Variants in MILR1 observed in about 807,000 individuals in gnomAD.
The protein encoded by MILR1 is mast cell immunoglobulin like receptor 1, also known as allergin-1.
A neutral mutation model predicts 18.5 loss-of-function variants in MILR1; 31 were observed. The observed-to-expected ratio is 1.68, with a 90% CI of 1.26 to 2.26. MILR1 has a LOEUF of 2.26. Ranked by LOEUF, MILR1 falls within the 30% of genes most tolerant of loss-of-function variation. The probability of loss-of-function intolerance (pLI) is 0.00; values close to 1 mark genes in which losing one functional copy is unlikely to be tolerated. For missense variants in MILR1, 257 were observed against 157.4 expected (o/e 1.63, Z -3.38); for synonymous variants, 85 against 56.2 (o/e 1.51, Z -2.30).
chr17:64,474,710 A>G, the MILR1 span, among the ~76,000 whole-genome samples: 312 of 152,142 alleles, frequency 2.1e-3, no homozygotes, highest in Admixed American at 3.5e-3. Context: ...ACACTCTCCT[A>G]TATTTGCTAG....
chr17:64,478,043 C>T, the MILR1 span: 1 of 1,571,494 alleles, frequency 6.4e-7, no homozygotes, highest in Non-Finnish European at 8.7e-7. Flanking sequence ...TAATAAATTC[C>T]TCCACGTTGC....
the MILR1 span, chr17:64,478,072 C>A: frequency 7.1e-7 from 1 of 1,400,480 alleles, no homozygotes; most frequent in South Asian, 1.2e-5. Context: ...ATTCAGTGTT[C>A]ATGCACTCTC....
At chr17:64,497,161 A>C in the MILR1 span, 1 of 659,354 alleles carries the variant, frequency 1.5e-6, no homozygotes, top group Non-Finnish European at 2.7e-6. Flanking sequence ...ACCATGGCGG[A>C]CGCCGGCTCG....
chr17:64,463,206 C>T (rs2037470918), intron 5 of MILR1, among the ~76,000 whole-genome samples: 1 of 152,108 alleles, frequency 6.6e-6, no homozygotes, highest in Non-Finnish European at 1.5e-5. Flanking sequence ...CGGGGTCTCA[C>T]TGTGTTGCCT....
the MILR1 span, among the ~76,000 whole-genome samples, chr17:64,483,533 T>C: frequency 2.0e-5 from 3 of 147,072 alleles, no homozygotes; most frequent in Non-Finnish European, 4.5e-5. Flanking sequence ...AAAAAACAAA[T>C]TAACTTGAGA....
the MILR1 span, among the ~76,000 whole-genome samples, chr17:64,476,752 T>C: frequency 1.3e-5 from 2 of 149,588 alleles, no homozygotes; most frequent in African/African-American, 4.9e-5. Context: ...TTTTAGGAGG[T>C]CAAGGCAGGA....
the MILR1 span, chr17:64,487,442 C>T: frequency 5.3e-5 from 8 of 151,924 alleles, no homozygotes; most frequent in Admixed American, 5.2e-4. Flanking sequence ...GGTAAAACCC[C>T]ACCTCTACTA....
the MILR1 span, among the ~76,000 whole-genome samples, chr17:64,480,873 G>A: frequency 6.6e-6 from 1 of 152,140 alleles, no homozygotes; most frequent in Non-Finnish European, 1.5e-5. Context: ...CCCGGAAAAT[G>A]TTTCAAGAAG....
chr17:64,465,383 C>T, intron 5 of MILR1, 69 bp from the exon 6 acceptor site: 1 of 1,130,580 alleles, frequency 8.8e-7, no homozygotes, highest in Non-Finnish European at 1.3e-6. Context: ...AATTCTGCTC[C>T]TTGGCCGAGG....
chr17:64,480,267 T>C, the MILR1 span: 28 of 1,131,230 alleles, frequency 2.5e-5, no homozygotes, highest in Non-Finnish European at 3.6e-5. Context: ...AATACACTCT[T>C]TAATGAAAAT....
the MILR1 span, chr17:64,492,715 GT>G: frequency 1.9e-6 from 3 of 1,613,152 alleles, no homozygotes; most frequent in African/African-American, 1.3e-5. Context: ...CAAGCCACTG[GT>G]TTGAAGTTCT....
the MILR1 span, chr17:64,496,810 G>A: frequency 1.2e-6 from 2 of 1,613,736 alleles, no homozygotes; most frequent in Non-Finnish European, 8.5e-7. Flanking sequence ...GGTGCTCGCC[G>A]TTCCCCTCGA....
At chr17:64,458,525 T>C (rs1316574439) in intron 4 of MILR1, among the ~76,000 whole-genome samples, 2 of 151,774 alleles carry the variant, frequency 1.3e-5, no homozygotes, top group Non-Finnish European at 2.9e-5. Flanking sequence ...CTTGTACTGA[T>C]TTCTAATACC....
chr17:64,452,463 G>A (rs1200930691), intron 2 of MILR1, 134 bp from the exon 3 acceptor site: 2 of 398,386 alleles, frequency 5.0e-6, no homozygotes, highest in Non-Finnish European at 9.0e-6. Context: ...ATGTTGCCCA[G>A]ACTGGTATCA....
intron 4 of MILR1, among the ~76,000 whole-genome samples, chr17:64,459,251 G>T (rs1267342647): frequency 6.6e-6 from 1 of 151,976 alleles, no homozygotes; most frequent in Non-Finnish European, 1.5e-5. Flanking sequence ...TGGGTAACAT[G>T]GCAAAACCCC....
In MILR1 at chr17:64,468,454, A is replaced by G. The variant is rs951002453; in HGVS notation, c.*173A>G. 1 of 374,650 alleles carries G rather than the reference A, an allele frequency of 2.7e-6. No individual in the cohort carries two copies. The highest frequency in any genetic ancestry group is 7.7e-5 in the East Asian group (1 of 12,916). The allele number at this position is 374,650 out of a possible 1,614,324, so 23.2% of individuals were successfully genotyped here. A position where few individuals can be genotyped will look rare whatever the true frequency, so the allele number is the denominator to read the frequency against. ...CAGGTGCCCGCTACCACGCCCAGCT[A>G]ATTTTTGTATTTTTAGTAGAGATGG... On this transcript the variant is annotated 3_prime_UTR_variant, in exon 10 of 10. Transcript: ENST00000619286.
At chr17:64,457,747 C>T (rs986848891) in intron 4 of MILR1, 63 bp downstream of exon 4, 5 of 465,450 alleles carry the variant, frequency 1.1e-5, no homozygotes, top group Non-Finnish European at 1.5e-5. Flanking sequence ...GCAGCTGCTC[C>T]TCTGCCCACC....
chr17:64,486,286 T>A, the MILR1 span, among the ~76,000 whole-genome samples: 2 of 152,046 alleles, frequency 1.3e-5, no homozygotes, highest in African/African-American at 2.4e-5. Flanking sequence ...GACTTAGGCA[T>A]CAATTTTTTC....
intron 5 of MILR1, among the ~76,000 whole-genome samples, chr17:64,464,982 G>C (rs1053019775): frequency 1.3e-5 from 2 of 152,118 alleles, no homozygotes; most frequent in South Asian, 4.1e-4. Context: ...CAGCTACTCG[G>C]GAGGCTGAGG....
Sources: gnomAD v4.1 joint callset for allele counts (sites outside exome capture counted in the v4.1 genomes callset) on GRCh38, gnomAD v4.1.1 for gene constraint, MANE v1.5 for transcripts, NCBI Gene and HGNC (gene_info 2026-07-23, HGNC 2026-07-21) for gene names.